Variants in FHL5 observed in about 807,000 individuals in gnomAD.
FHL5 encodes the protein four and a half LIM domains 5.
In FHL5, 33 loss-of-function variants were observed where a neutral mutation model predicts 32.0. The ratio of observed to expected loss-of-function variants is 1.03; its 90% CI spans 0.78 to 1.38. FHL5 has a LOEUF of 1.38. FHL5 is among the 40% of genes most tolerant of loss of function. The pLI is 0.00. For synonymous variants in FHL5, 114 were observed against 113.6 expected, an observed-to-expected ratio of 1.00 and a Z score of -0.02; for missense variants, 336 against 343.9, an observed-to-expected ratio of 0.98 and a Z score of 0.18.
intron 3 of FHL5, among the ~76,000 whole-genome samples, chr6:96,605,487 G>A (rs1002608395): frequency 4.6e-5 from 7 of 152,100 alleles, no homozygotes; most frequent in Non-Finnish European, 1.5e-5. Flanking sequence ...TTCTTATTAT[G>A]GATTCAGAGA....
At chr6:96,595,987 G>T (rs56655495) in intron 1 of FHL5, among the ~76,000 whole-genome samples, 1,592 of 151,992 alleles carry the variant, frequency 0.01, 27 homozygotes, top group African/African-American at 0.037. Flanking sequence ...TTTTAATTGT[G>T]AATTCATGCT....
chr6:96,609,654 T>C (rs1440248553), intron 4 of FHL5, among the ~76,000 whole-genome samples: 2 of 152,246 alleles, frequency 1.3e-5, no homozygotes, highest in East Asian at 3.8e-4. Flanking sequence ...CACTGCTAGA[T>C]ACAATATTGG....
At chr6:96,614,050 T>C (rs1771466578) in intron 5 of FHL5, among the ~76,000 whole-genome samples, 1 of 152,154 alleles carries the variant, frequency 6.6e-6, no homozygotes, top group African/African-American at 2.4e-5. Context: ...CCTAAGGGAG[T>C]AAACATATTC....
At position 96,599,474 on chromosome 6, in the gene FHL5, C is replaced by T. The variant is rs150774953; in HGVS notation, c.-12-4128C>T. ...CCTCCCAAAGTGCTGGGATTACGGG[C>T]GTGAGCCACAGCACAGCCAAACTTA... On this transcript the variant is annotated intron_variant, in intron 1 of 5. Transcript: ENST00000450218. 2.9e-3 allele frequency among the ~76,000 whole-genome samples: 443 copies of T among 152,098 alleles called. 1 individual carries two copies. Among genetic ancestry groups the T allele is most frequent in the African/African-American group, 0.01 (420 of 41,462 alleles).
chr6:96,577,839 TA>T (rs1206801945), intron 1 of FHL5, among the ~76,000 whole-genome samples: 3 of 152,068 alleles, frequency 2.0e-5, no homozygotes, highest in African/African-American at 7.2e-5. Context: ...TTTACCTTTT[TA>T]CCAACTTCTA....
intron 1 of FHL5, among the ~76,000 whole-genome samples, chr6:96,596,596 G>A (rs566142397): frequency 5.7e-4 from 82 of 144,952 alleles, no homozygotes; most frequent in Non-Finnish European, 2.3e-4. Flanking sequence ...GCATTTATCC[G>A]TGAGTTTGTA....
intron 1 of FHL5, among the ~76,000 whole-genome samples, chr6:96,580,091 G>A (rs1263261959): frequency 1.3e-5 from 2 of 152,202 alleles, no homozygotes; most frequent in African/African-American, 2.4e-5. Context: ...ACTTCTCCCT[G>A]TAAATCAAAG....
intron 1 of FHL5, among the ~76,000 whole-genome samples, chr6:96,601,324 A>G (rs549860697): frequency 6.6e-6 from 1 of 152,268 alleles, no homozygotes; most frequent in East Asian, 1.9e-4. Flanking sequence ...ATAGAGCAGG[A>G]CTCTGTCTCA....
At chr6:96,584,900 G>T (rs1007843897) in intron 1 of FHL5, among the ~76,000 whole-genome samples, 3 of 152,164 alleles carry the variant, frequency 2.0e-5, no homozygotes, top group African/African-American at 4.8e-5. Flanking sequence ...TGTGTGGGGA[G>T]TGTAGGGAGG....
chr6:96,615,273 C>T lies in FHL5; in HGVS notation c.692-336C>T, dbSNP rs112602908. On this transcript the variant is annotated intron_variant, in intron 5 of 5. Transcript: ENST00000450218. ...ATATCTCTGACTTCACAACCTATAC[C>T]TTCTTTCCACTATGCTACACTGTAT... Among the ~76,000 whole-genome samples, 316 of 152,302 alleles carry T rather than the reference C, an allele frequency of 2.1e-3. 1 individual carries two copies. The highest frequency in any genetic ancestry group is 4.8e-3 in the African/African-American group (199 of 41,562).
intron 1 of FHL5, among the ~76,000 whole-genome samples, chr6:96,594,712 G>T (rs975464680): frequency 2.0e-5 from 3 of 151,818 alleles, no homozygotes; most frequent in African/African-American, 7.2e-5. Flanking sequence ...CTTTTGTGAT[G>T]TCTCAGTTTT....
chr6:96,616,933 AC>A lies in FHL5; in HGVS notation c.*1167del, dbSNP rs34528341. 7.8e-6 allele frequency among the ~76,000 whole-genome samples: 1 copy of A among 127,726 alleles called. No homozygotes were observed. Among genetic ancestry groups the A allele is most frequent in the Non-Finnish European group, 1.7e-5 (1 of 58,616 alleles). The allele number at this position is 127,726 out of a possible 152,430, so 83.8% of individuals were successfully genotyped here. On this transcript the variant is annotated 3_prime_UTR_variant, in exon 6 of 6. Transcript: ENST00000450218. The stretch of plus-strand genomic sequence containing the variant: ...CACTCTTCCCCCACACCTGTGCCAC[AC>A]CCCCCTTACCCCAAGCCAGTTGTGC...
At chr6:96,607,999 T>A (rs1021735790) in intron 4 of FHL5, among the ~76,000 whole-genome samples, 6 of 151,902 alleles carry the variant, frequency 3.9e-5, no homozygotes, top group African/African-American at 1.2e-4. Context: ...CTAAAAAATA[T>A]ACAAAACTTA....
At chr6:96,589,953 T>G (rs1342472114) in intron 1 of FHL5, among the ~76,000 whole-genome samples, 1 of 152,076 alleles carries the variant, frequency 6.6e-6, no homozygotes, top group Admixed American at 6.5e-5. Flanking sequence ...TATTCCTCAC[T>G]GTCCTTTAGG....
intron 1 of FHL5, among the ~76,000 whole-genome samples, chr6:96,583,629 C>T (rs1037736932): frequency 6.6e-6 from 1 of 152,036 alleles, no homozygotes. Flanking sequence ...TAGAGAAAAG[C>T]CCTTTAATCT....
Position 96,585,385 on chromosome 6 carries a change from A to G in FHL5, c.-12-18217A>G, listed in dbSNP as rs3798292. 4.4e-3 allele frequency among the ~76,000 whole-genome samples: 677 copies of G among 152,310 alleles called. 30 individuals carry two copies. In the East Asian group the frequency reaches 0.11, roughly 26 times the overall value. ...ATGCGGCAATCCCAGCTGAGCATAG[A>G]TATATTTATACAGGTAAAACTACTT... On this transcript the variant is annotated intron_variant, in intron 1 of 5. Coordinates refer to ENST00000450218, the MANE Select transcript of FHL5 (RefSeq NM_001322466.2).
At chr6:96,591,912 T>C (rs993777145) in intron 1 of FHL5, among the ~76,000 whole-genome samples, 3 of 152,080 alleles carry the variant, frequency 2.0e-5, no homozygotes, top group South Asian at 2.1e-4. Flanking sequence ...CAAGTTTTTA[T>C]TAGGGATTTT....
At chr6:96,585,719 C>T (rs1398086429) in intron 1 of FHL5, among the ~76,000 whole-genome samples, 1 of 152,062 alleles carries the variant, frequency 6.6e-6, no homozygotes, top group Non-Finnish European at 1.5e-5. Flanking sequence ...TATGGTAATT[C>T]ACCTCCCTGA....
Position 96,584,593 on chromosome 6 carries a change from C to T in FHL5, c.-12-19009C>T, listed in dbSNP as rs1770762199. Among the ~76,000 whole-genome samples the T allele has an allele frequency of 3.3e-5, 5 of 151,558 alleles. No individual in the cohort carries two copies. The South Asian group carries it at 1.0e-3, about 31-fold the overall frequency. ...AGTAGTTGAGTTTAGATTTTATAGT[C>T]GAAGAAGAGCTGTTGGAAGTTTTTC... is the stretch of plus-strand genomic sequence containing the variant. On this transcript the variant is annotated intron_variant, in intron 1 of 5. Coordinates refer to ENST00000450218, the MANE Select transcript of FHL5 (RefSeq NM_001322466.2).
Sources: allele counts gnomAD v4.1 joint callset (sites outside exome capture counted in the v4.1 genomes callset), GRCh38; gene constraint gnomAD v4.1.1; transcripts MANE v1.5; gene names NCBI Gene and HGNC (gene_info 2026-07-23, HGNC 2026-07-21).